The following ZNF804A variants were observed in gnomAD, a reference collection of about 807,000 sequenced individuals.
ZNF804A encodes zinc finger protein 804A.
ZNF804A carries 2 observed loss-of-function variants against 16.5 expected under a neutral mutation model. The observed-to-expected ratio is 0.12, with a 90% CI of 0.05 to 0.38. The LOEUF is 0.38. Ranked by LOEUF, ZNF804A falls within the 10% of genes least tolerant of loss-of-function variation. ZNF804A has a pLI of 0.99. For missense variants in ZNF804A, 1,473 were observed against 1,390.7 expected (o/e 1.06, Z -0.94); for synonymous variants, 534 against 489.6 (o/e 1.09, Z -1.20).
chr2:184,725,878 A>T (rs1693400789), intron 1 of ZNF804A, among the ~76,000 whole-genome samples: 1 of 151,670 alleles, frequency 6.6e-6, no homozygotes, highest in African/African-American at 2.4e-5. Flanking sequence ...CCAAGAAATC[A>T]TATAGTTTCT....
intron 1 of ZNF804A, among the ~76,000 whole-genome samples, chr2:184,855,684 A>G (rs1574243230): frequency 6.6e-6 from 1 of 152,070 alleles, no homozygotes; most frequent in East Asian, 1.9e-4. Context: ...GCGAATGAAT[A>G]TGTGGGTGGG....
chr2:184,824,287 A>G (rs1295926714), intron 1 of ZNF804A, among the ~76,000 whole-genome samples: 1 of 152,214 alleles, frequency 6.6e-6, no homozygotes, highest in African/African-American at 2.4e-5. Context: ...TATTTTTTAA[A>G]TATTTCAATT....
intron 1 of ZNF804A, among the ~76,000 whole-genome samples, chr2:184,817,187 G>C (rs1373544655): frequency 1.3e-5 from 2 of 151,892 alleles, no homozygotes; most frequent in Non-Finnish European, 2.9e-5. Flanking sequence ...AGAGCTCCCA[G>C]AGAAAGGAGC....
chr2:184,742,812 ATATAAC>A (rs1366499486), intron 1 of ZNF804A, among the ~76,000 whole-genome samples: 1 of 149,252 alleles, frequency 6.7e-6, no homozygotes, highest in Non-Finnish European at 1.5e-5. Flanking sequence ...GTGTGTATAT[ATATAAC>A]TATATTATAT....
intron 1 of ZNF804A, among the ~76,000 whole-genome samples, chr2:184,707,398 G>C (rs897902763): frequency 6.6e-6 from 1 of 152,138 alleles, no homozygotes; most frequent in Non-Finnish European, 1.5e-5. Flanking sequence ...CTGTCACCCA[G>C]AGAGTGAGCA....
chr2:184,916,944 A>G (rs1685458530), intron 2 of ZNF804A, among the ~76,000 whole-genome samples: 1 of 152,196 alleles, frequency 6.6e-6, no homozygotes, highest in African/African-American at 2.4e-5. Context: ...CAGTGATGCT[A>G]TTAAGGACTA....
intron 2 of ZNF804A, among the ~76,000 whole-genome samples, chr2:184,923,637 G>A (rs1413630292): frequency 6.6e-6 from 1 of 151,984 alleles, no homozygotes; most frequent in African/African-American, 2.4e-5. Flanking sequence ...AGATCACAAA[G>A]AAAAGGTTTT....
At chr2:184,803,479 T>C (rs1694755298) in intron 1 of ZNF804A, among the ~76,000 whole-genome samples, 1 of 152,170 alleles carries the variant, frequency 6.6e-6, no homozygotes, top group African/African-American at 2.4e-5. Flanking sequence ...GCAAAGGGTT[T>C]TGTGTTTATC....
intron 1 of ZNF804A, among the ~76,000 whole-genome samples, chr2:184,639,988 C>T (rs905786561): frequency 5.3e-5 from 8 of 151,510 alleles, no homozygotes; most frequent in African/African-American, 1.7e-4. Context: ...GGCGACAGGG[C>T]GAGACTGCGT....
At chr2:184,910,816 A>G (rs948845273) in intron 2 of ZNF804A, among the ~76,000 whole-genome samples, 3 of 151,620 alleles carry the variant, frequency 2.0e-5, no homozygotes, top group Non-Finnish European at 4.4e-5. Context: ...ACTTTTTAAT[A>G]AGATTATTTG....
At chr2:184,829,544 G>A (rs1191508306) in intron 1 of ZNF804A, among the ~76,000 whole-genome samples, 22 of 151,678 alleles carry the variant, frequency 1.5e-4, no homozygotes, top group Non-Finnish European at 4.4e-5. Flanking sequence ...TTTCTGATTT[G>A]CTTCCAAAAA....
At chr2:184,715,939 A>G (rs1416864719) in intron 1 of ZNF804A, among the ~76,000 whole-genome samples, 1 of 152,178 alleles carries the variant, frequency 6.6e-6, no homozygotes, top group African/African-American at 2.4e-5. Flanking sequence ...ATGAATGAAT[A>G]AGTTCAAGCA....
chr2:184,850,640 A>G (rs1473860418), intron 1 of ZNF804A, among the ~76,000 whole-genome samples: 2 of 151,462 alleles, frequency 1.3e-5, no homozygotes, highest in African/African-American at 4.8e-5. Context: ...TGAAATTTAC[A>G]CTACATATAA....
chr2:184,665,790 A>AT (rs779941798), intron 1 of ZNF804A, among the ~76,000 whole-genome samples: 157 of 151,500 alleles, frequency 1.0e-3, no homozygotes, highest in East Asian at 7.6e-3. Flanking sequence ...AGTTGCCTGC[A>AT]TTTTTTTTTC....
intron 2 of ZNF804A, among the ~76,000 whole-genome samples, chr2:184,866,829 G>A (rs1695883872): frequency 6.7e-6 from 1 of 150,256 alleles, no homozygotes; most frequent in African/African-American, 2.4e-5. Flanking sequence ...CAAATGTATT[G>A]TTTTAAATAT....
At chr2:184,613,252 T>C (rs1206528705) in intron 1 of ZNF804A, among the ~76,000 whole-genome samples, 1 of 152,204 alleles carries the variant, frequency 6.6e-6, no homozygotes, top group Non-Finnish European at 1.5e-5. Context: ...AAATCATTCA[T>C]ATTCTCTCTC....
At chr2:184,613,998 C>T (rs796777429) in intron 1 of ZNF804A, among the ~76,000 whole-genome samples, 5 of 152,198 alleles carry the variant, frequency 3.3e-5, no homozygotes, top group African/African-American at 1.2e-4. Context: ...GTAAAAAGAA[C>T]AAAGCTGGAG....
intron 1 of ZNF804A, among the ~76,000 whole-genome samples, chr2:184,799,184 T>C (rs1694684223): frequency 6.6e-6 from 1 of 152,082 alleles, no homozygotes; most frequent in Non-Finnish European, 1.5e-5. Flanking sequence ...GCTGGTTTGT[T>C]CTTGCATCAA....
rs185576392 is a variant in ZNF804A, at chr2:184,646,007, G to A, written c.111+46937G>A. Among the ~76,000 whole-genome samples, 10 of 152,258 alleles carry A rather than the reference G, an allele frequency of 6.6e-5. No homozygotes were observed. The East Asian group carries it at 1.7e-3, about 27-fold the overall frequency. ...CTCAAGTCCTGGAGTGAACTTGTGA[G>A]AAACTTGGAGATACTGTAAGGGAAA... On this transcript the variant is annotated intron_variant, in intron 1 of 3. Transcript: ENST00000302277.
Sources: gnomAD v4.1 joint callset for allele counts (sites outside exome capture counted in the v4.1 genomes callset) on GRCh38, gnomAD v4.1.1 for gene constraint, MANE v1.5 for transcripts, NCBI Gene and HGNC (gene_info 2026-07-23, HGNC 2026-07-21) for gene names.